Variants in SHISA9 observed in about 807,000 individuals in gnomAD.
SHISA9 encodes shisa family member 9.
In SHISA9, 13 loss-of-function variants were observed where a neutral mutation model predicts 38.0. The observed-to-expected ratio is 0.34, with a 90% CI of 0.22 to 0.54. The LOEUF is 0.54. Ranked by LOEUF, SHISA9 falls within the 20% of genes least tolerant of loss-of-function variation. The probability of loss-of-function intolerance (pLI) is 0.91; values close to 1 mark genes in which losing one functional copy is unlikely to be tolerated. For missense variants in SHISA9, 538 were observed against 575.8 expected (o/e 0.93, Z 0.67); for synonymous variants, 275 against 242.0 (o/e 1.14, Z -1.27).
chr16:13,246,572 G>A, the SHISA9 span, among the ~76,000 whole-genome samples: 1 of 152,040 alleles, frequency 6.6e-6, no homozygotes, highest in African/African-American at 2.4e-5. Context: ...AACATTTTTT[G>A]TGTATCAGGC....
chr16:13,135,784 G>A lies in SHISA9; in HGVS notation c.692-67610G>A, dbSNP rs149736092. The stretch of plus-strand genomic sequence containing the variant: ...AGATAGATGCAAGGGCCAGCAAAAG[G>A]AAACAAACCAGATTGCAGAATTAGT... On this transcript the variant is annotated intron_variant, in intron 2 of 4. Transcript: ENST00000558583. Among the ~76,000 whole-genome samples the A allele has an allele frequency of 1.5e-4, 23 of 152,266 alleles. No homozygotes were observed. In the East Asian group the frequency reaches 4.1e-3, roughly 27 times the overall value.
chr16:13,313,080 C>A, the SHISA9 span, among the ~76,000 whole-genome samples: 5 of 150,648 alleles, frequency 3.3e-5, no homozygotes, highest in Non-Finnish European at 5.9e-5. Flanking sequence ...ACGGTGAAAC[C>A]CCGTCTCTAC....
chr16:13,359,265 G>C, the SHISA9 span, among the ~76,000 whole-genome samples: 1 of 152,136 alleles, frequency 6.6e-6, no homozygotes, highest in Non-Finnish European at 1.5e-5. Flanking sequence ...TGGATCATTT[G>C]AGGTCAGGAG....
the SHISA9 span, among the ~76,000 whole-genome samples, chr16:13,379,088 C>G: frequency 6.6e-6 from 1 of 152,124 alleles, no homozygotes; most frequent in African/African-American, 2.4e-5. Flanking sequence ...TCTAGGGACT[C>G]AAGATACCTC....
chr16:13,538,745 T>C, the SHISA9 span, among the ~76,000 whole-genome samples: 48 of 152,326 alleles, frequency 3.2e-4, no homozygotes, highest in Non-Finnish European at 5.4e-4. Flanking sequence ...TTTACACAAG[T>C]AATTACTGAA....
the SHISA9 span, among the ~76,000 whole-genome samples, chr16:13,526,825 T>C: frequency 6.6e-6 from 1 of 152,160 alleles, no homozygotes; most frequent in Admixed American, 6.5e-5. Flanking sequence ...AACCTAAACG[T>C]AAGTATTTTT....
the SHISA9 span, among the ~76,000 whole-genome samples, chr16:13,427,669 G>A: frequency 6.6e-6 from 1 of 152,074 alleles, no homozygotes; most frequent in African/African-American, 2.4e-5. Context: ...AGTGTGGCTG[G>A]AGAGAGAGAG....
chr16:13,187,079 T>C (rs2050831633), intron 2 of SHISA9, among the ~76,000 whole-genome samples: 1 of 152,194 alleles, frequency 6.6e-6, no homozygotes, highest in African/African-American at 2.4e-5. Flanking sequence ...GTTCTTTGGT[T>C]GACCTCTGTT....
At chr16:13,094,501 C>T (rs999679128) in intron 2 of SHISA9, among the ~76,000 whole-genome samples, 2 of 152,176 alleles carry the variant, frequency 1.3e-5, no homozygotes, top group Non-Finnish European at 2.9e-5. Flanking sequence ...TTGACTGCTC[C>T]GGTTGTAACT....
chr16:12,964,921 A>G lies in SHISA9; in HGVS notation c.691+48106A>G, dbSNP rs1223002158. 2.0e-5 allele frequency among the ~76,000 whole-genome samples: 3 copies of G among 152,198 alleles called. No individual in the cohort carries two copies. In the East Asian group the frequency reaches 5.8e-4, roughly 29 times the overall value. On this transcript the variant is annotated intron_variant, in intron 2 of 4. Transcript: ENST00000558583. The stretch of plus-strand genomic sequence containing the variant: ...TAAAAGAGCAATATAATTAGTGATC[A>G]TGGGAATTAACTGATTATCAATGAT...
At chr16:13,449,662 G>A in the SHISA9 span, among the ~76,000 whole-genome samples, 1 of 152,032 alleles carries the variant, frequency 6.6e-6, no homozygotes, top group East Asian at 1.9e-4. Context: ...ATTATGTAAA[G>A]CCCCCACTTG....
intron 2 of SHISA9, among the ~76,000 whole-genome samples, chr16:12,946,939 A>C (rs1046821463): frequency 6.6e-6 from 1 of 152,228 alleles, no homozygotes; most frequent in Non-Finnish European, 1.5e-5. Flanking sequence ...CGTATTGTCC[A>C]TGGCTTTTTC....
At chr16:13,006,602 A>G (rs1014918461) in intron 2 of SHISA9, among the ~76,000 whole-genome samples, 3 of 152,240 alleles carry the variant, frequency 2.0e-5, no homozygotes, top group Non-Finnish European at 4.4e-5. Flanking sequence ...TGCCTGGCTC[A>G]CAATAGGTGC....
chr16:13,070,073 T>A (rs1432388564), intron 2 of SHISA9, among the ~76,000 whole-genome samples: 1 of 152,088 alleles, frequency 6.6e-6, no homozygotes, highest in Non-Finnish European at 1.5e-5. Context: ...CCATTTTATG[T>A]ATTGTGGTTT....
intron 2 of SHISA9, among the ~76,000 whole-genome samples, chr16:12,936,712 C>T (rs1484683476): frequency 6.6e-6 from 1 of 152,214 alleles, no homozygotes; most frequent in African/African-American, 2.4e-5. Flanking sequence ...ACCAGAGAAA[C>T]AGCCATCATG....
the SHISA9 span, among the ~76,000 whole-genome samples, chr16:13,531,435 A>G: frequency 7.2e-4 from 109 of 152,260 alleles, no homozygotes; most frequent in African/African-American, 2.5e-3. Flanking sequence ...AACTCCCCCA[A>G]TCTTACAGAT....
intron 2 of SHISA9, among the ~76,000 whole-genome samples, chr16:13,024,757 C>A (rs2173864): frequency 1 from 152,169 of 152,330 alleles, 76,004 homozygotes; most frequent in Non-Finnish European, 1. Flanking sequence ...CTTCCACATA[C>A]GGCACTTTGA....
At chr16:13,422,398 T>C in the SHISA9 span, among the ~76,000 whole-genome samples, 1 of 152,174 alleles carries the variant, frequency 6.6e-6, no homozygotes, top group Non-Finnish European at 1.5e-5. Context: ...CTGACTGATA[T>C]AAGACAATTG....
intron 2 of SHISA9, among the ~76,000 whole-genome samples, chr16:12,947,320 T>G (rs1239505386): frequency 1.3e-5 from 2 of 152,222 alleles, no homozygotes; most frequent in African/African-American, 4.8e-5. Context: ...AGTAGCTTGT[T>G]TAAGTGAAGA....
Sources: allele counts gnomAD v4.1 joint callset (sites outside exome capture counted in the v4.1 genomes callset), GRCh38; gene constraint gnomAD v4.1.1; transcripts MANE v1.5; gene names NCBI Gene and HGNC (gene_info 2026-07-23, HGNC 2026-07-21).